Variants in GMDS observed in about 807,000 individuals in gnomAD.
The protein encoded by GMDS is GDP-mannose 4,6-dehydratase.
A neutral mutation model predicts 49.9 loss-of-function variants in GMDS; 20 were observed. The observed-to-expected ratio is 0.40, with a 90% CI of 0.28 to 0.58. GMDS has a LOEUF of 0.58. Ranked by LOEUF, GMDS falls within the 20% of genes least tolerant of loss-of-function variation. The pLI, the probability that GMDS is intolerant of heterozygous loss-of-function variation, is 0.42. For missense variants in GMDS, 362 were observed against 481.4 expected (o/e 0.75, Z 2.32); for synonymous variants, 177 against 178.6 (o/e 0.99, Z 0.07).
At chr6:2,060,799 G>A (rs1771102670) in intron 4 of GMDS, among the ~76,000 whole-genome samples, 1 of 152,102 alleles carries the variant, frequency 6.6e-6, no homozygotes, top group Admixed American at 6.5e-5. Flanking sequence ...GGAGGCCGAG[G>A]TGGGTGGATC....
intron 1 of GMDS, among the ~76,000 whole-genome samples, chr6:2,136,678 A>C (rs1454797957): frequency 6.6e-6 from 1 of 152,176 alleles, no homozygotes; most frequent in Non-Finnish European, 1.5e-5. Flanking sequence ...CCATGATCAC[A>C]CCACTGCACT....
intron 7 of GMDS, among the ~76,000 whole-genome samples, chr6:1,918,605 C>T (rs1354429366): frequency 4.6e-5 from 7 of 151,922 alleles, no homozygotes; most frequent in Non-Finnish European, 8.8e-5. Context: ...AAAATTCAGC[C>T]GGGCATGGTG....
intron 4 of GMDS, among the ~76,000 whole-genome samples, chr6:2,006,873 G>A (rs187982375): frequency 1.3e-5 from 2 of 152,294 alleles, no homozygotes; most frequent in East Asian, 1.9e-4. Flanking sequence ...TTATTTGCAG[G>A]ACACACGGCA....
intron 3 of GMDS, among the ~76,000 whole-genome samples, chr6:2,116,856 A>G (rs919480665): frequency 2.6e-5 from 4 of 152,072 alleles, no homozygotes; most frequent in African/African-American, 9.7e-5. Context: ...CTCTGTCTCC[A>G]TTTCCTCAAC....
At chr6:1,995,042 A>G (rs1338376421) in intron 4 of GMDS, among the ~76,000 whole-genome samples, 1 of 152,164 alleles carries the variant, frequency 6.6e-6, no homozygotes, top group Non-Finnish European at 1.5e-5. Flanking sequence ...CACAACACAG[A>G]GGCAGTAACC....
intron 5 of GMDS, 136 bp downstream of exon 5, chr6:1,960,638 T>G: frequency 1.8e-6 from 1 of 547,204 alleles, no homozygotes; most frequent in Non-Finnish European, 3.2e-6. Context: ...TCAGTCACTT[T>G]AGTCTACCTT....
At position 2,191,220 on chromosome 6, in the gene GMDS, C is replaced by T. The variant is rs1561644303; in HGVS notation, c.102+54101G>A. 6.6e-6 allele frequency among the ~76,000 whole-genome samples: 1 copy of T among 152,160 alleles called. No individual in the cohort carries two copies. Among genetic ancestry groups the T allele is most frequent in the Non-Finnish European group, 1.5e-5 (1 of 68,006 alleles). On this transcript the variant is annotated intron_variant, in intron 1 of 10. Coordinates refer to ENST00000380815, the MANE Select transcript of GMDS (RefSeq NM_001500.4). This position sits in a 1 kb window ranked among gnomAD's most constrained non-coding sequence, Gnocchi z 4.6. ...GGGTGACCACCGGGCCTGACACTCC[C>T]GACCCGCTATCCGCTCCTGGAGGCA...
intron 6 of GMDS, among the ~76,000 whole-genome samples, chr6:1,946,810 T>C (rs1763094098): frequency 6.6e-6 from 1 of 152,144 alleles, no homozygotes; most frequent in Admixed American, 6.5e-5. Flanking sequence ...TAGCTACCAG[T>C]GGGCATGTGC....
At chr6:1,772,770 A>C in intron 7 of GMDS, among the ~76,000 whole-genome samples, 1 of 152,234 alleles carries the variant, frequency 6.6e-6, no homozygotes, top group East Asian at 1.9e-4. Flanking sequence ...GCATGGACTC[A>C]GGGTCGCTTC....
At chr6:2,097,452 C>T (rs4959631) in intron 4 of GMDS, among the ~76,000 whole-genome samples, 83,314 of 151,892 alleles carry the variant, frequency 0.55, 23,072 homozygotes, top group East Asian at 0.64. Flanking sequence ...GCTAAAACGA[C>T]GAGGGGTGAA....
chr6:2,078,714 G>A (rs1772491476), intron 4 of GMDS, among the ~76,000 whole-genome samples: 1 of 152,060 alleles, frequency 6.6e-6, no homozygotes. Flanking sequence ...ATGTGCTGAT[G>A]AGAAGACTTT....
At position 2,204,800 on chromosome 6, in the gene GMDS, G is replaced by A. The variant is rs546273653; in HGVS notation, c.102+40521C>T. On this transcript the variant is annotated intron_variant, in intron 1 of 10. Transcript: ENST00000380815. ...AGGATCATCATATAATGTCCCTTTC[G>A]CCTACTGGTAAAAGGTGGCAAACTA... is the stretch of plus-strand genomic sequence containing the variant. Among the ~76,000 whole-genome samples the A allele has an allele frequency of 5.9e-5, 9 of 152,178 alleles. No homozygotes were observed. The South Asian group carries it at 6.2e-4, about 11-fold the overall frequency.
Position 1,766,245 on chromosome 6 carries a change from C to T in GMDS, c.772-23659G>A, listed in dbSNP as rs1034339854. ...GCAAGGAGAAGTTAGCTAATTTAAGCTGATGTGCATTGAGTCACTGGAAAT... is the reference window on the plus strand; with the variant it reads ...GCAAGGAGAAGTTAGCTAATTTAAGTTGATGTGCATTGAGTCACTGGAAAT... On this transcript the variant is annotated intron_variant, in intron 7 of 10. Coordinates refer to ENST00000380815, the MANE Select transcript of GMDS (RefSeq NM_001500.4). The surrounding 1 kb of genome is among the most constrained non-coding windows in gnomAD (Gnocchi z 4.5). Among the ~76,000 whole-genome samples, 3 of 152,110 alleles carry T rather than the reference C, an allele frequency of 2.0e-5. No individual in the cohort carries two copies. Among genetic ancestry groups the T allele is most frequent in the African/African-American group, 7.2e-5 (3 of 41,408 alleles).
chr6:1,852,629 T>C (rs1283339745), intron 7 of GMDS, among the ~76,000 whole-genome samples: 1 of 152,214 alleles, frequency 6.6e-6, no homozygotes, highest in Non-Finnish European at 1.5e-5. Flanking sequence ...TCTTTTTTTT[T>C]CTCTTAATTT....
intron 7 of GMDS, among the ~76,000 whole-genome samples, chr6:1,755,645 C>T (rs550263205): frequency 7.0e-4 from 107 of 152,170 alleles, no homozygotes; most frequent in African/African-American, 2.2e-3. Context: ...CCACTGTACC[C>T]AAAACAGCAA....
At chr6:1,995,009 A>G (rs891223855) in intron 4 of GMDS, among the ~76,000 whole-genome samples, 1 of 152,238 alleles carries the variant, frequency 6.6e-6, no homozygotes, top group African/African-American at 2.4e-5. Context: ...ACACAAAAAT[A>G]ATCCATGCTT....
At chr6:2,085,857 G>A (rs1016771167) in intron 4 of GMDS, among the ~76,000 whole-genome samples, 50 of 152,088 alleles carry the variant, frequency 3.3e-4, no homozygotes, top group African/African-American at 1.2e-3. Flanking sequence ...ACTAAAGTCA[G>A]GCATACCTGA....
chr6:1,852,091 T>C (rs899699134), intron 7 of GMDS, among the ~76,000 whole-genome samples: 1 of 152,236 alleles, frequency 6.6e-6, no homozygotes, highest in Non-Finnish European at 1.5e-5. Context: ...TTCTGGGCCA[T>C]AGCGGAGGCT....
chr6:1,861,715 T>C (rs953234483), intron 7 of GMDS, among the ~76,000 whole-genome samples: 2 of 152,090 alleles, frequency 1.3e-5, no homozygotes, highest in African/African-American at 4.8e-5. Flanking sequence ...TGGTCTCCTA[T>C]CAGCCTCCTG....
Sources: allele counts gnomAD v4.1 joint callset (sites outside exome capture counted in the v4.1 genomes callset), GRCh38; gene constraint gnomAD v4.1.1; non-coding constraint Gnocchi (gnomAD v3.1); transcripts MANE v1.5; gene names NCBI Gene and HGNC (gene_info 2026-07-23, HGNC 2026-07-21).